PTPRD: variants seen among roughly 807,000 people sequenced by gnomAD.
PTPRD encodes receptor-type tyrosine-protein phosphatase delta.
A neutral mutation model predicts 214.5 loss-of-function variants in PTPRD; 34 were observed. The ratio of observed to expected loss-of-function variants is 0.16; its 90% CI spans 0.12 to 0.21. The LOEUF (loss-of-function observed/expected upper bound fraction) is 0.21. PTPRD is among the 10% of genes least tolerant of loss of function. The pLI is 1.00. For missense variants in PTPRD, 2,545 were observed against 2,398.7 expected (o/e 1.06, Z -1.27); for synonymous variants, 1,128 against 845.7 (o/e 1.33, Z -5.79).
chr9:8,898,891 G>T (rs1002114573), intron 11 of PTPRD, among the ~76,000 whole-genome samples: 1 of 152,100 alleles, frequency 6.6e-6, no homozygotes, highest in Non-Finnish European at 1.5e-5. Flanking sequence ...TATATAAAAA[G>T]ACTATTTTCA....
intron 12 of PTPRD, among the ~76,000 whole-genome samples, chr9:8,702,757 G>T (rs1287155164): frequency 6.6e-6 from 1 of 152,148 alleles, no homozygotes; most frequent in African/African-American, 2.4e-5. Flanking sequence ...ACAGGCGCCC[G>T]CCACTACGCC....
chr9:10,261,338 G>A (rs2093688047), intron 3 of PTPRD, among the ~76,000 whole-genome samples: 1 of 151,922 alleles, frequency 6.6e-6, no homozygotes, highest in Admixed American at 6.6e-5. Context: ...TATGAGTTAA[G>A]TGTAATATCT....
Position 10,477,440 on chromosome 9 carries a change from C to T in PTPRD, c.-600+134958G>A, listed in dbSNP as rs138434350. On this transcript the variant is annotated intron_variant, in intron 2 of 45. Transcript: ENST00000381196. ...TCAAAACCACAATGAGATACCATCT[C>T]AAGCCAGTTAGAATGGTGATCATTA... Among the ~76,000 whole-genome samples the T allele has an allele frequency of 5.8e-3, 883 of 152,234 alleles. 10 individuals are homozygous for T. The highest frequency in any genetic ancestry group is 0.02 in the African/African-American group (823 of 41,536).
chr9:9,584,210 T>C (rs2091456308), intron 7 of PTPRD, among the ~76,000 whole-genome samples: 1 of 151,898 alleles, frequency 6.6e-6, no homozygotes, highest in Non-Finnish European at 1.5e-5. Flanking sequence ...ATAGTTTATA[T>C]ATATGAAGTG....
At chr9:8,925,574 C>G (rs150823684) in intron 11 of PTPRD, among the ~76,000 whole-genome samples, 19 of 150,372 alleles carry the variant, frequency 1.3e-4, no homozygotes, top group Non-Finnish European at 2.2e-4. Context: ...CCACCACCCC[C>G]GCCAACCAAG....
intron 2 of PTPRD, among the ~76,000 whole-genome samples, chr9:10,611,491 GT>G (rs1280308292): frequency 6.6e-6 from 1 of 152,210 alleles, no homozygotes; most frequent in East Asian, 1.9e-4. Context: ...TAGACTACAT[GT>G]TTTTTATATA....
intron 8 of PTPRD, among the ~76,000 whole-genome samples, chr9:9,489,009 T>C (rs1052532775): frequency 6.6e-6 from 1 of 152,182 alleles, no homozygotes; most frequent in Non-Finnish European, 1.5e-5. Context: ...ACTATTGTTA[T>C]AAGGCCCTCA....
chr9:8,527,417 TG>T lies in PTPRD; in HGVS notation c.542-65del. On this transcript the variant is annotated intron_variant, in intron 15 of 45. Transcript: ENST00000381196. ...AAATATTATTATATTCCTTATAATT[TG>T]GTACAAATTTTTCAGAGTTAAAGCT... 7 of 1,497,462 alleles carry T rather than the reference TG, an allele frequency of 4.7e-6. No homozygotes were observed. The South Asian group carries it at 5.9e-5, about 13-fold the overall frequency. 92.8% of individuals were successfully genotyped at this position (1,497,462 alleles called of 1,614,324 possible).
At chr9:10,196,246 T>C (rs950821328) in intron 3 of PTPRD, among the ~76,000 whole-genome samples, 6 of 152,170 alleles carry the variant, frequency 3.9e-5, no homozygotes, top group Non-Finnish European at 8.8e-5. Context: ...CTCTCTGAGT[T>C]TTGTAAACCC....
intron 44 of PTPRD, among the ~76,000 whole-genome samples, chr9:8,323,707 A>C (rs997906794): frequency 1.3e-5 from 2 of 152,182 alleles, no homozygotes; most frequent in African/African-American, 2.4e-5. Flanking sequence ...TTCCTTACGG[A>C]TGAGCAAAGA....
At position 9,288,454 on chromosome 9, in the gene PTPRD, G is replaced by C. The variant is rs569234393; in HGVS notation, c.-202-105091C>G. On this transcript the variant is annotated intron_variant, in intron 9 of 45. Coordinates refer to ENST00000381196, the MANE Select transcript of PTPRD (RefSeq NM_002839.4). ...ATACTTAAAAAACACGTAAAGATCA[G>C]AGTATTTCCATAGTCATTAACCAGC... Among the ~76,000 whole-genome samples the C allele has an allele frequency of 4.6e-5, 7 of 151,942 alleles. No homozygotes were observed. In the South Asian group the frequency reaches 1.2e-3, roughly 27 times the overall value.
intron 12 of PTPRD, among the ~76,000 whole-genome samples, chr9:8,638,665 CTTG>C (rs2154331215): frequency 6.6e-6 from 1 of 152,114 alleles, no homozygotes; most frequent in East Asian, 1.9e-4. Flanking sequence ...GCAAATTCAA[CTTG>C]TTGGTGATCC....
intron 3 of PTPRD, among the ~76,000 whole-genome samples, chr9:10,263,587 G>C (rs1349521341): frequency 6.6e-6 from 1 of 152,100 alleles, no homozygotes; most frequent in Non-Finnish European, 1.5e-5. Context: ...GATGATTTAA[G>C]GTATCTGGCG....
chr9:10,085,648 G>A (rs1438588473), intron 3 of PTPRD, among the ~76,000 whole-genome samples: 1 of 151,602 alleles, frequency 6.6e-6, no homozygotes, highest in Non-Finnish European at 1.5e-5. Context: ...GCGCCTGCCT[G>A]TGCATGCCTC....
intron 3 of PTPRD, among the ~76,000 whole-genome samples, chr9:10,070,200 CTG>C (rs2097975196): frequency 6.6e-6 from 1 of 152,014 alleles, no homozygotes; most frequent in African/African-American, 2.4e-5. Flanking sequence ...AGGCAATAAA[CTG>C]TCTGTTTTGT....
At chr9:9,993,511 T>A (rs1382081019) in intron 4 of PTPRD, among the ~76,000 whole-genome samples, 6 of 152,342 alleles carry the variant, frequency 3.9e-5, no homozygotes, top group Non-Finnish European at 7.4e-5. Flanking sequence ...ACAATATGGA[T>A]AAATTCTCTA....
chr9:9,345,226 A>G (rs1396209497), intron 9 of PTPRD, among the ~76,000 whole-genome samples: 10 of 152,244 alleles, frequency 6.6e-5, no homozygotes, highest in Non-Finnish European at 4.4e-5. Flanking sequence ...TTGCACTTAG[A>G]GATATATTAT....
intron 3 of PTPRD, among the ~76,000 whole-genome samples, chr9:10,068,468 C>CA (rs1235878387): frequency 2.0e-5 from 3 of 151,940 alleles, no homozygotes. Flanking sequence ...GTCTGCTACA[C>CA]ATTCCATGCC....
chr9:9,529,458 A>G (rs1337688901), intron 8 of PTPRD, among the ~76,000 whole-genome samples: 1 of 152,208 alleles, frequency 6.6e-6, no homozygotes, highest in Non-Finnish European at 1.5e-5. Context: ...AACTTAACTA[A>G]ACATGTTTTT....
Sources: gnomAD v4.1 joint callset for allele counts (sites outside exome capture counted in the v4.1 genomes callset) on GRCh38, gnomAD v4.1.1 for gene constraint, MANE v1.5 for transcripts, NCBI Gene and HGNC (gene_info 2026-07-23, HGNC 2026-07-21) for gene names.